Variants in ATP6V1H observed in about 807,000 individuals in gnomAD.
ATP6V1H encodes the protein V-type proton ATPase subunit H.
ATP6V1H carries 39 observed loss-of-function variants against 71.7 expected under a neutral mutation model. That is an observed-to-expected ratio of 0.54 (90% CI 0.42 to 0.71). The LOEUF (loss-of-function observed/expected upper bound fraction) is 0.71, where lower values mean the gene tolerates loss of function less well. Ranked by LOEUF, ATP6V1H falls within the 30% of genes least tolerant of loss-of-function variation. The probability of loss-of-function intolerance (pLI) is 0.00; values close to 1 mark genes in which losing one functional copy is unlikely to be tolerated. For synonymous variants in ATP6V1H, 192 were observed against 199.3 expected (o/e 0.96, Z 0.31); for missense variants, 509 against 594.9 (o/e 0.86, Z 1.50).
Position 53,817,464 on chromosome 8 carries a change from A to G in ATP6V1H, c.373T>C (p.Tyr125His). The G allele has an allele frequency of 1.2e-6, 2 of 1,613,806 alleles. No individual in the cohort carries two copies. Among genetic ancestry groups the G allele is most frequent in the Non-Finnish European group, 1.7e-6 (2 of 1,179,760 alleles). Residue 125 changes from tyrosine (Y) to histidine (H), a missense_variant, in exon 5 of 14, where the codon TAC (tyrosine) becomes CAC (histidine). Tyr to His is a moderately conservative substitution (Grantham distance 83). Around this residue, in one of 2 missense-constraint regions of ATP6V1H, gnomAD observed 297 missense variants for 303.3 expected, o/e 0.98. Transcript: ENST00000359530. ...TGGCGATTCAACATTGGCAGAAAGT[A>G]GGGCCACGCAGTGTTCTTGCTACAT... ...ARCSKNTAWPYFLPMLNRQDP... is the reference protein window; with the variant it reads ...ARCSKNTAWPHFLPMLNRQDP...
At chr8:53,834,701 G>A (rs1811105882) in intron 2 of ATP6V1H, among the ~76,000 whole-genome samples, 1 of 152,142 alleles carries the variant, frequency 6.6e-6, no homozygotes. Context: ...TGGGATTACA[G>A]GCATGAGCCA....
At chr8:53,757,731 C>T (rs1036302158) in intron 11 of ATP6V1H, among the ~76,000 whole-genome samples, 7 of 152,186 alleles carry the variant, frequency 4.6e-5, no homozygotes, top group African/African-American at 1.7e-4. Flanking sequence ...CAAATGTCAT[C>T]TCTTGTATAA....
chr8:53,729,535 C>T (rs1806941510), intron 13 of ATP6V1H, among the ~76,000 whole-genome samples: 1 of 152,138 alleles, frequency 6.6e-6, no homozygotes, highest in Non-Finnish European at 1.5e-5. Context: ...AAGTAGCCCA[C>T]CCTGAGTTTT....
chr8:53,816,196 ATAAC>A (rs1330343497), intron 5 of ATP6V1H, among the ~76,000 whole-genome samples: 3 of 152,246 alleles, frequency 2.0e-5, no homozygotes, highest in Non-Finnish European at 4.4e-5. Flanking sequence ...AATACAATAT[ATAAC>A]TATACTGTAT....
intron 11 of ATP6V1H, among the ~76,000 whole-genome samples, chr8:53,760,866 C>T (rs1808248518): frequency 6.6e-6 from 1 of 152,196 alleles, no homozygotes; most frequent in African/African-American, 2.4e-5. Flanking sequence ...ATCAGCTACA[C>T]TTTCTCAGGG....
chr8:53,740,958 T>G (rs2130174968), intron 13 of ATP6V1H, among the ~76,000 whole-genome samples: 1 of 152,264 alleles, frequency 6.6e-6, no homozygotes, highest in Non-Finnish European at 1.5e-5. Context: ...CATACAAAAA[T>G]TTCTCTATGA....
chr8:53,738,567 T>G (rs1807308824), intron 13 of ATP6V1H, among the ~76,000 whole-genome samples: 1 of 152,208 alleles, frequency 6.6e-6, no homozygotes, highest in African/African-American at 2.4e-5. Context: ...ATGAACTAGA[T>G]CCACAGATCC....
chr8:53,746,817 A>G (rs1647770797), intron 12 of ATP6V1H, among the ~76,000 whole-genome samples: 1 of 152,254 alleles, frequency 6.6e-6, no homozygotes, highest in South Asian at 2.1e-4. Context: ...GGATTACAAA[A>G]TATCATTAAA....
In ATP6V1H at chr8:53,777,481, G is replaced by A. The variant is rs560691439; in HGVS notation, c.871-5314C>T. ...AGTGGAACGATATCTTGAAAGTACC[G>A]AAAGAAAAAAAAAACAGAACTATAT... is the stretch of plus-strand genomic sequence containing the variant. On this transcript the variant is annotated intron_variant, in intron 9 of 13. Transcript: ENST00000359530. 2.2e-3 allele frequency among the ~76,000 whole-genome samples: 330 copies of A among 149,548 alleles called. 1 individual carries two copies. Among genetic ancestry groups the A allele is most frequent in the African/African-American group, 7.5e-3 (304 of 40,752 alleles).
At chr8:53,758,874 G>T (rs1052959456) in intron 11 of ATP6V1H, among the ~76,000 whole-genome samples, 2 of 152,172 alleles carry the variant, frequency 1.3e-5, no homozygotes, top group Non-Finnish European at 2.9e-5. Context: ...TGAGTAATTT[G>T]GGACAGAAAC....
chr8:53,790,779 G>C (rs1809541089), intron 9 of ATP6V1H, among the ~76,000 whole-genome samples: 1 of 152,196 alleles, frequency 6.6e-6, no homozygotes, highest in African/African-American at 2.4e-5. Flanking sequence ...CAGCTATTTA[G>C]TGCCTATCGT....
chr8:53,750,363 C>A (rs980481499), intron 12 of ATP6V1H, among the ~76,000 whole-genome samples: 2 of 152,122 alleles, frequency 1.3e-5, no homozygotes, highest in Non-Finnish European at 2.9e-5. Flanking sequence ...TGAGAAAAAC[C>A]TGATAGTGAT....
In ATP6V1H at chr8:53,754,205, G is replaced by A. The variant is rs767784447; in HGVS notation, c.1277+2350C>T. The stretch of plus-strand genomic sequence containing the variant: ...AAGAAGTTCAGAAAGATGAGAGATA[G>A]GAGTGCAAAAGGCTTATTGGGAAAC... On this transcript the variant is annotated intron_variant, in intron 12 of 13. Coordinates refer to ENST00000359530, the MANE Select transcript of ATP6V1H (RefSeq NM_015941.4). 3.3e-5 allele frequency among the ~76,000 whole-genome samples: 5 copies of A among 152,254 alleles called. No individual in the cohort carries two copies. The South Asian group carries it at 1.0e-3, about 32-fold the overall frequency.
intron 13 of ATP6V1H, among the ~76,000 whole-genome samples, chr8:53,724,585 C>T (rs949603432): frequency 2.1e-5 from 3 of 143,196 alleles, no homozygotes; most frequent in African/African-American, 7.8e-5. Context: ...CCTCCTCCCC[C>T]CTCCCCCTCC....
chr8:53,785,074 A>G lies in ATP6V1H; in HGVS notation c.870+10573T>C, dbSNP rs533449302. 3.3e-5 allele frequency among the ~76,000 whole-genome samples: 5 copies of G among 152,098 alleles called. No homozygotes were observed. In the South Asian group the frequency reaches 1.0e-3, roughly 32 times the overall value. ...GCGTTCTCTGTATTTCCTGAATTTG[A>G]ATGTTGGCCTGCCTTGCTAGATTGG... On this transcript the variant is annotated intron_variant, in intron 9 of 13. Transcript: ENST00000359530.
At chr8:53,802,237 A>T (rs1249491673) in intron 7 of ATP6V1H, among the ~76,000 whole-genome samples, 1 of 152,238 alleles carries the variant, frequency 6.6e-6, no homozygotes, top group East Asian at 1.9e-4. Context: ...CTATGTATAG[A>T]GAATACTGTT....
rs1451338810 is a variant in ATP6V1H at position 53,819,585 on chromosome 8, T to TATATAA, written c.307-2056_307-2055insTTATAT. The stretch of plus-strand genomic sequence containing the variant: ...ATATATATATATATATATATATATA[T>TATATAA]AAAATACACACACATACACACATTG... On this transcript the variant is annotated intron_variant, in intron 4 of 13. Transcript: ENST00000359530. Among the ~76,000 whole-genome samples, 122 of 83,552 alleles carry TATATAA rather than the reference T, an allele frequency of 1.5e-3. 6 individuals are homozygous for TATATAA. The highest frequency in any genetic ancestry group is 2.2e-3 in the Non-Finnish European group (98 of 45,292). 54.8% of individuals were successfully genotyped at this position (83,552 alleles called of 152,430 possible). A position where few individuals can be genotyped will look rare whatever the true frequency, so the allele number is the denominator to read the frequency against.
At chr8:53,837,581 T>C (rs1260903948) in intron 2 of ATP6V1H, among the ~76,000 whole-genome samples, 3 of 150,858 alleles carry the variant, frequency 2.0e-5, no homozygotes, top group African/African-American at 7.3e-5. Flanking sequence ...GGCCAAAGAA[T>C]CTAAGGGTGG....
intron 4 of ATP6V1H, among the ~76,000 whole-genome samples, chr8:53,827,400 A>T: frequency 6.6e-6 from 1 of 152,088 alleles, no homozygotes; most frequent in East Asian, 1.9e-4. Flanking sequence ...TAAATAAAAT[A>T]AAAATAATAA....
Sources: gnomAD v4.1 joint callset for allele counts (sites outside exome capture counted in the v4.1 genomes callset) on GRCh38, gnomAD v4.1.1 for gene constraint, gnomAD v4.1.1 regional missense constraint, MANE v1.5 for transcripts, NCBI Gene and HGNC (gene_info 2026-07-23, HGNC 2026-07-21) for gene names.